Variants in LSM8 observed in about 807,000 individuals in gnomAD.
The protein encoded by LSM8 is LSM8 U6 small nuclear RNA associated.
LSM8 carries 14 observed loss-of-function variants against 15.0 expected under a neutral mutation model. The ratio of observed to expected loss-of-function variants is 0.93; its 90% CI spans 0.62 to 1.46. The LOEUF is 1.46. Ranked by LOEUF, LSM8 falls within the 40% of genes most tolerant of loss-of-function variation. The pLI, the probability that LSM8 is intolerant of heterozygous loss-of-function variation, is 0.00. For synonymous variants in LSM8, 50 were observed against 42.1 expected, an observed-to-expected ratio of 1.19 and a Z score of -0.73; for missense variants, 90 against 115.4, an observed-to-expected ratio of 0.78 and a Z score of 1.01.
At position 118,198,706 on chromosome 7, in the gene LSM8, G is replaced by A. The variant is rs1809121500; in HGVS notation, c.*6704G>A. 6.6e-6 allele frequency among the ~76,000 whole-genome samples: 1 copy of A among 152,196 alleles called. No homozygotes were observed. The highest frequency in any genetic ancestry group is 2.4e-5 in the African/African-American group (1 of 41,456). ...AGGCAAGAAGGAGTAAGATGTGGTT[G>A]AGTAATAAGGAGTAGACTGACCTCT... On this transcript the variant is annotated 3_prime_UTR_variant, in exon 4 of 4. Coordinates refer to ENST00000249299, the MANE Select transcript of LSM8 (RefSeq NM_016200.5).
Position 118,196,607 on chromosome 7 carries a change from GT to G in LSM8, c.*4614del, listed in dbSNP as rs201607240. ...GACCTCTTCTTGGTTTTGGCATTAAGTTTTTTTTTAACTCAATTTTTGTGTT... is the reference window on the plus strand; with the variant it reads ...GACCTCTTCTTGGTTTTGGCATTAAGTTTTTTTTAACTCAATTTTTGTGTT... On this transcript the variant is annotated 3_prime_UTR_variant, in exon 4 of 4. Coordinates refer to ENST00000249299, the MANE Select transcript of LSM8 (RefSeq NM_016200.5). Among the ~76,000 whole-genome samples the G allele has an allele frequency of 1.6e-4, 23 of 147,298 alleles. No individual in the cohort carries two copies. In the East Asian group the frequency reaches 2.8e-3, roughly 18 times the overall value.
In LSM8 at chr7:118,198,776, C is replaced by T. The variant is rs1470603615; in HGVS notation, c.*6774C>T. 6.6e-6 allele frequency among the ~76,000 whole-genome samples: 1 copy of T among 152,140 alleles called. No individual in the cohort carries two copies. The highest frequency in any genetic ancestry group is 1.5e-5 in the Non-Finnish European group (1 of 68,020). On this transcript the variant is annotated 3_prime_UTR_variant, in exon 4 of 4. Transcript: ENST00000249299. ...ATCCTTTTTATTGCAAAGAAAGGACCTGTCCTTCACCAGTTCCTGGAAGAA... is the reference window on the plus strand; with the variant it reads ...ATCCTTTTTATTGCAAAGAAAGGACTTGTCCTTCACCAGTTCCTGGAAGAA...
At position 118,200,638 on chromosome 7, in the gene LSM8, A is replaced by G. The variant is rs918060114; in HGVS notation, c.*8636A>G. Among the ~76,000 whole-genome samples, 1 of 152,134 alleles carries G rather than the reference A, an allele frequency of 6.6e-6. No homozygotes were observed. Among genetic ancestry groups the G allele is most frequent in the Non-Finnish European group, 1.5e-5 (1 of 68,006 alleles). ...ATGATTCTTCCATAATAAACAAGCA[A>G]ACTGTCATACTTGTTGACTTATATT... On this transcript the variant is annotated 3_prime_UTR_variant, in exon 4 of 4. Transcript: ENST00000249299.
At chr7:118,189,217 C>G (rs2286858) in intron 3 of LSM8, 10,387 of 148,894 alleles carry the variant, frequency 0.07, 381 homozygotes, top group East Asian at 0.11. Flanking sequence ...CCGAGATCAC[C>G]CTACTGCACT....
chr7:118,195,745 A>T lies in LSM8; in HGVS notation c.*3743A>T, dbSNP rs777459916. Among the ~76,000 whole-genome samples the T allele has an allele frequency of 4.6e-5, 7 of 152,196 alleles. No homozygotes were observed. Among genetic ancestry groups the T allele is most frequent in the African/African-American group, 7.2e-5 (3 of 41,454 alleles). On this transcript the variant is annotated 3_prime_UTR_variant, in exon 4 of 4. Coordinates refer to ENST00000249299, the MANE Select transcript of LSM8 (RefSeq NM_016200.5). ...ATTAAATTTTACTTATTTTGGGTTT[A>T]AAAAAACTTGGGCTGTGAATCTCAG...
At chr7:118,188,558 G>A in intron 3 of LSM8, 153 bp downstream of exon 3, 2 of 643,858 alleles carry the variant, frequency 3.1e-6, no homozygotes, top group Non-Finnish European at 4.9e-6. Context: ...TTATGTTTGT[G>A]TAAAATAAGG....
chr7:118,190,786 G>A (rs900370384), intron 3 of LSM8: 1 of 151,870 alleles, frequency 6.6e-6, no homozygotes, highest in Non-Finnish European at 1.5e-5. Context: ...GCAAAATTTG[G>A]CAAATCCCTT....
chr7:118,191,508 T>C (rs1434274404), intron 3 of LSM8: 1 of 154,004 alleles, frequency 6.5e-6, no homozygotes, highest in African/African-American at 2.4e-5. Context: ...ATATTTTTAC[T>C]TGCTAATTAT....
chr7:118,192,549 T>C lies in LSM8; in HGVS notation c.*547T>C, dbSNP rs1273496139. 3 of 152,158 alleles carry C rather than the reference T, an allele frequency of 2.0e-5. No individual in the cohort carries two copies. The highest frequency in any genetic ancestry group is 2.9e-5 in the Non-Finnish European group (2 of 68,018). The allele number at this position is 152,158 out of a possible 1,614,324, so 9.4% of individuals were successfully genotyped here. ...GTTTGCTTGAGAAAAGCAAAAATGC[T>C]AACAAGGTTTTGATAGATTGGCCCA... On this transcript the variant is annotated 3_prime_UTR_variant, in exon 4 of 4. Transcript: ENST00000249299.
chr7:118,196,703 TA>T lies in LSM8; in HGVS notation c.*4702del, dbSNP rs1203186150. On this transcript the variant is annotated 3_prime_UTR_variant, in exon 4 of 4. Transcript: ENST00000249299. Reference sequence around the variant, plus strand: ...CTTTTTTTTTAAGTCCTTTAATTTTTATTTATTTATTTATTTATTTATTTAT... The same window carrying T: ...CTTTTTTTTTAAGTCCTTTAATTTTTTTTATTTATTTATTTATTTATTTAT... 6.3e-3 allele frequency among the ~76,000 whole-genome samples: 211 copies of T among 33,316 alleles called. 2 individuals carry two copies. Among genetic ancestry groups the T allele is most frequent in the South Asian group, 0.056 (30 of 538 alleles). The allele number at this position is 33,316 out of a possible 152,430, so 21.9% of individuals were successfully genotyped here. A position where few individuals can be genotyped will look rare whatever the true frequency, so the allele number is the denominator to read the frequency against.
rs1389432343 is a variant in LSM8 at position 118,195,825 on chromosome 7, G to GA, written c.*3830dup. ...TTCCTTTCTGTCTACATGTAATACT[G>GA]AAAAAAATGTTGATAAGGTAAAGCT... is the stretch of plus-strand genomic sequence containing the variant. On this transcript the variant is annotated 3_prime_UTR_variant, in exon 4 of 4. Transcript: ENST00000249299. 1.1e-4 allele frequency among the ~76,000 whole-genome samples: 17 copies of GA among 152,024 alleles called. No homozygotes were observed. Among genetic ancestry groups the GA allele is most frequent in the African/African-American group, 3.9e-4 (16 of 41,380 alleles).
Position 118,197,977 on chromosome 7 carries a change from ATTAT to A in LSM8, c.*5981_*5984del, listed in dbSNP as rs1221220729. Among the ~76,000 whole-genome samples, 2 of 152,180 alleles carry A rather than the reference ATTAT, an allele frequency of 1.3e-5. No individual in the cohort carries two copies. Among genetic ancestry groups the A allele is most frequent in the East Asian group, 1.9e-4 (1 of 5,198 alleles). On this transcript the variant is annotated 3_prime_UTR_variant, in exon 4 of 4. Coordinates refer to ENST00000249299, the MANE Select transcript of LSM8 (RefSeq NM_016200.5). ...CCTGATATTGAATGATGGACTCCAAATTATTTATTGTGGCCTAGGAAAAGTACTA... is the reference window on the plus strand; with the variant it reads ...CCTGATATTGAATGATGGACTCCAAATTATTGTGGCCTAGGAAAAGTACTA...
rs1163931390 is a variant in LSM8, at chr7:118,199,114, C to A, written c.*7112C>A. ...TTTCTCCTGATTTTCACCCTGCACA[C>A]CTTTTCCATTTACTGATTTTAATCT... On this transcript the variant is annotated 3_prime_UTR_variant, in exon 4 of 4. Coordinates refer to ENST00000249299, the MANE Select transcript of LSM8 (RefSeq NM_016200.5). 6.6e-6 allele frequency among the ~76,000 whole-genome samples: 1 copy of A among 152,168 alleles called. No homozygotes were observed. Among genetic ancestry groups the A allele is most frequent in the Non-Finnish European group, 1.5e-5 (1 of 68,028 alleles).
In LSM8 at chr7:118,193,747, G is replaced by A. The variant is rs747407931; in HGVS notation, c.*1745G>A. On this transcript the variant is annotated 3_prime_UTR_variant, in exon 4 of 4. Transcript: ENST00000249299. ...CAAAAATTAAATAAGAATACACATT[G>A]TTCAGTTGCTAAGAAAAATGCATTC... is the stretch of plus-strand genomic sequence containing the variant. 6.6e-6 allele frequency among the ~76,000 whole-genome samples: 1 copy of A among 152,050 alleles called. No homozygotes were observed. Among genetic ancestry groups the A allele is most frequent in the Non-Finnish European group, 1.5e-5 (1 of 67,960 alleles).
At chr7:118,190,695 A>C (rs1030335441) in intron 3 of LSM8, 1 of 152,206 alleles carries the variant, frequency 6.6e-6, no homozygotes, top group Non-Finnish European at 1.5e-5. Flanking sequence ...TGAGGCCTTT[A>C]GTTTGAGAAA....
rs938065441 is a variant in LSM8, at chr7:118,202,835, C to CT, written c.*10839dup. On this transcript the variant is annotated 3_prime_UTR_variant, in exon 4 of 4. Coordinates refer to ENST00000249299, the MANE Select transcript of LSM8 (RefSeq NM_016200.5). ...ACAACTTCTATGCCCAAACAGAATT[C>CT]TTTTTTATCTCTGATATAAAATGCA... 2.0e-5 allele frequency among the ~76,000 whole-genome samples: 3 copies of CT among 151,882 alleles called. No homozygotes were observed. Among genetic ancestry groups the CT allele is most frequent in the African/African-American group, 7.2e-5 (3 of 41,392 alleles).
rs1043853650 is a variant in LSM8, at chr7:118,199,635, A to G, written c.*7633A>G. ...AAGGAAAACAAGTAACTTTGCAACA[A>G]TCTGTTCAACAATGAGAGTTACCAA... On this transcript the variant is annotated 3_prime_UTR_variant, in exon 4 of 4. Transcript: ENST00000249299. 1.3e-5 allele frequency among the ~76,000 whole-genome samples: 2 copies of G among 152,146 alleles called. No homozygotes were observed. The highest frequency in any genetic ancestry group is 2.9e-5 in the Non-Finnish European group (2 of 68,016).
chr7:118,190,441 A>C (rs1808959336), intron 3 of LSM8: 1 of 152,196 alleles, frequency 6.6e-6, no homozygotes, highest in South Asian at 2.1e-4. Flanking sequence ...GGCCCATGAA[A>C]GCATATTGTT....
chr7:118,188,451 T>G (rs1808922224), intron 3 of LSM8, 46 bp downstream of exon 3: 1 of 1,557,594 alleles, frequency 6.4e-7, no homozygotes, highest in African/African-American at 1.4e-5. Context: ...ACTGCCTTAC[T>G]TTATGGAGAA....
Sources: gnomAD v4.1 joint callset for allele counts (sites outside exome capture counted in the v4.1 genomes callset) on GRCh38, gnomAD v4.1.1 for gene constraint, MANE v1.5 for transcripts, NCBI Gene and HGNC (gene_info 2026-07-23, HGNC 2026-07-21) for gene names.